Variants in PROS1 observed in about 807,000 individuals in gnomAD.
The protein encoded by PROS1 is vitamin K-dependent protein S.
Under a neutral mutation model 75.9 loss-of-function variants are expected in PROS1, and 29 were observed. The ratio of observed to expected loss-of-function variants is 0.38; its 90% CI spans 0.28 to 0.52. The LOEUF (loss-of-function observed/expected upper bound fraction) is 0.52. Among genes scored for constraint, PROS1 ranks in the 20% least tolerant of loss-of-function variants. PROS1 has a pLI of 0.83. For synonymous variants in PROS1, 245 were observed against 280.6 expected (o/e 0.87, Z 1.27); for missense variants, 680 against 810.3 (o/e 0.84, Z 1.95).
chr3:93,924,748 A>G (rs778522340), intron 2 of PROS1, among the ~76,000 whole-genome samples: 2 of 148,674 alleles, frequency 1.3e-5, no homozygotes, highest in Non-Finnish European at 3.0e-5. Flanking sequence ...CTGCAGCCTT[A>G]CCCTCCTGGG....
At chr3:93,932,431 G>A (rs1398678388) in intron 1 of PROS1, among the ~76,000 whole-genome samples, 7 of 152,148 alleles carry the variant, frequency 4.6e-5, no homozygotes, top group Admixed American at 1.3e-4. Context: ...GAAAGTCCTT[G>A]TTAAAACCCA....
At chr3:93,874,473 A>C in intron 14 of PROS1, 68 bp from the exon 15 acceptor site, 1 of 1,581,380 alleles carries the variant, frequency 6.3e-7, no homozygotes, top group South Asian at 1.1e-5. Context: ...CAGTGAGAGA[A>C]GTCATTCAGA....
intron 7 of PROS1, 51 bp downstream of exon 7, chr3:93,900,753 G>A (rs369443951): frequency 1.9e-6 from 3 of 1,609,560 alleles, no homozygotes; most frequent in Admixed American, 1.7e-5. Context: ...ATCAGTTCAG[G>A]GTTCACACCC....
At chr3:93,898,627 A>G in intron 7 of PROS1, 58 bp from the exon 8 acceptor site, 1 of 1,581,944 alleles carries the variant, frequency 6.3e-7, no homozygotes, top group African/African-American at 1.3e-5. Flanking sequence ...GTTCAATCTT[A>G]TAGGCAGAGG....
At chr3:93,881,556 C>CTTTTTT (rs71105164) in intron 12 of PROS1, among the ~76,000 whole-genome samples, 5 of 118,454 alleles carry the variant, frequency 4.2e-5, no homozygotes, top group Non-Finnish European at 3.3e-5. Flanking sequence ...GTAGTAAGCA[C>CTTTTTT]TTTTTTTTTT....
intron 12 of PROS1, 80 bp from the exon 13 acceptor site, chr3:93,879,394 G>A (rs1708242594): frequency 4.0e-6 from 6 of 1,503,898 alleles, no homozygotes; most frequent in Non-Finnish European, 5.6e-6. Context: ...ACACAGTCCA[G>A]GTAATATTCA....
intron 1 of PROS1, among the ~76,000 whole-genome samples, chr3:93,964,597 C>T (rs777008856): frequency 6.6e-6 from 1 of 152,152 alleles, no homozygotes; most frequent in Non-Finnish European, 1.5e-5. Flanking sequence ...AATATGTGCA[C>T]CACGGAACAA....
chr3:93,920,017 G>C (rs1474228027), intron 3 of PROS1, among the ~76,000 whole-genome samples: 1 of 151,988 alleles, frequency 6.6e-6, no homozygotes, highest in Non-Finnish European at 1.5e-5. Context: ...AGACATGTGT[G>C]GACTTTTAGT....
chr3:93,935,676 T>C (rs8178604), intron 1 of PROS1, among the ~76,000 whole-genome samples: 1,839 of 152,238 alleles, frequency 0.012, 46 homozygotes, highest in African/African-American at 0.042. Context: ...TCTTAGGATA[T>C]AATTTATTTT....
chr3:93,891,548 T>A (rs983765045), intron 10 of PROS1, among the ~76,000 whole-genome samples: 3 of 152,056 alleles, frequency 2.0e-5, no homozygotes, highest in Non-Finnish European at 4.4e-5. Flanking sequence ...CTGCTGGGAT[T>A]GCAGGCGTGC....
chr3:93,928,011 A>ATATATATATAT lies in PROS1; in HGVS notation c.77-605_77-604insATATATATATA, dbSNP rs1235149837. On this transcript the variant is annotated intron_variant, in intron 1 of 14. Transcript: ENST00000394236. ...TGTGTGTGTATATATATATATATAT[A>ATATATATATAT]TTTTTTTTTTTTTTTTTTTTTGAGA... Among the ~76,000 whole-genome samples, 74 of 44,456 alleles carry ATATATATATAT rather than the reference A, an allele frequency of 1.7e-3. 1 individual carries two copies. The highest frequency in any genetic ancestry group is 2.8e-3 in the South Asian group (3 of 1,066). 29.2% of individuals were successfully genotyped at this position (44,456 alleles called of 152,430 possible). A position where few individuals can be genotyped will look rare whatever the true frequency, so the allele number is the denominator to read the frequency against.
chr3:93,961,829 G>A (rs1468085329), intron 1 of PROS1, among the ~76,000 whole-genome samples: 1 of 152,116 alleles, frequency 6.6e-6, no homozygotes, highest in Non-Finnish European at 1.5e-5. Flanking sequence ...ACCAATCTTG[G>A]CACACACCAA....
At position 93,892,934 on chromosome 3, in the gene PROS1, A is replaced by G; in HGVS notation, c.1154T>C (p.Met385Thr). ...GDVINNGLWN[M>T]VSVEELEHSI... ...TATTGATGAAATCTGCAAACGTACCATATTCCATAGACCATTATTAATAAC... is the reference window on the plus strand; with the variant it reads ...TATTGATGAAATCTGCAAACGTACCGTATTCCATAGACCATTATTAATAAC... Residue 385 changes from methionine to threonine, a missense_variant and splice_region_variant, in exon 10 of 15, where the codon ATG (methionine) becomes ACG (threonine). Met to Thr is a moderately conservative substitution (Grantham distance 81). Transcript: ENST00000394236. 1.9e-6 allele frequency: 3 copies of G among 1,610,090 alleles called. No homozygotes were observed. The South Asian group carries it at 3.3e-5, about 18-fold the overall frequency.
rs1011197105 is a variant in PROS1, at chr3:93,884,951, G to C, written c.1324-55C>G. 96 of 1,433,124 alleles carry C rather than the reference G, an allele frequency of 6.7e-5. 1 individual carries two copies. The highest frequency in any genetic ancestry group is 8.8e-5 in the Non-Finnish European group (91 of 1,032,340). 88.8% of individuals were successfully genotyped at this position (1,433,124 alleles called of 1,614,324 possible). On this transcript the variant is annotated intron_variant, in intron 11 of 14. Transcript: ENST00000394236. ...GCATTTTAAACTTAAACAGTGGCTCGATTATGAGTATAGGTTTTCATTAAG... is the reference window on the plus strand; with the variant it reads ...GCATTTTAAACTTAAACAGTGGCTCCATTATGAGTATAGGTTTTCATTAAG...
At chr3:93,883,593 CA>C (rs1180906948) in intron 12 of PROS1, among the ~76,000 whole-genome samples, 5 of 143,942 alleles carry the variant, frequency 3.5e-5, no homozygotes, top group Admixed American at 2.8e-4. Flanking sequence ...GACTCAGTCT[CA>C]AAAAAAAAGA....
intron 4 of PROS1, among the ~76,000 whole-genome samples, chr3:93,909,918 TAAGAA>T (rs529249837): frequency 1.2e-4 from 18 of 152,150 alleles, no homozygotes; most frequent in Non-Finnish European, 2.6e-4. Flanking sequence ...TCGTAAATTT[TAAGAA>T]AAGATAAAGC....
At chr3:93,946,325 C>A (rs1709397545) in intron 1 of PROS1, among the ~76,000 whole-genome samples, 1 of 152,002 alleles carries the variant, frequency 6.6e-6, no homozygotes, top group Non-Finnish European at 1.5e-5. Context: ...TATATGGAAC[C>A]AAAAAAGAGC....
intron 1 of PROS1, among the ~76,000 whole-genome samples, chr3:93,942,011 G>T (rs1709295534): frequency 6.6e-6 from 1 of 151,882 alleles, no homozygotes; most frequent in Admixed American, 6.6e-5. Context: ...TACCACACTT[G>T]ACCCCCATGA....
At chr3:93,922,444 T>C (rs1708957099) in intron 3 of PROS1, among the ~76,000 whole-genome samples, 2 of 152,186 alleles carry the variant, frequency 1.3e-5, no homozygotes, top group South Asian at 4.1e-4. Flanking sequence ...AAGAACACAA[T>C]TTAAAAACTA....
Sources: allele counts gnomAD v4.1 joint callset (sites outside exome capture counted in the v4.1 genomes callset), GRCh38; gene constraint gnomAD v4.1.1; transcripts MANE v1.5; gene names NCBI Gene and HGNC (gene_info 2026-07-23, HGNC 2026-07-21).